TAB3: variants seen among roughly 807,000 people sequenced by gnomAD.
TAB3 encodes the protein TGF-beta-activated kinase 1 and MAP3K7-binding protein 3.
Under a neutral mutation model 48.1 loss-of-function variants are expected in TAB3, and 18 were observed. The observed-to-expected ratio is 0.37, with a 90% CI of 0.26 to 0.55. The LOEUF (loss-of-function observed/expected upper bound fraction) is 0.55. TAB3 is among the 20% of genes least tolerant of loss of function. The pLI, the probability that TAB3 is intolerant of heterozygous loss-of-function variation, is 0.78. For synonymous variants in TAB3, 185 were observed against 190.2 expected (o/e 0.97, Z 0.22); for missense variants, 414 against 549.8 (o/e 0.75, Z 2.47).
At chrX:30,856,730 G>A (rs893972103) in intron 5 of TAB3, among the ~76,000 whole-genome samples, 7 of 111,643 alleles carry the variant, frequency 6.3e-5, no homozygotes, top group Admixed American at 2.9e-4. Context: ...CCTAAAACAG[G>A]ACCCATAATG....
rs189691474 is a variant in TAB3 at position 30,872,730 on chromosome X, A to G, written c.-382-929T>C. 1.1e-3 allele frequency among the ~76,000 whole-genome samples: 124 copies of G among 112,146 alleles called. 1 individual carries two copies. The Middle Eastern group carries it at 0.019, about 17-fold the overall frequency. ...TAACTAATTCATGCACCAGTAATCA[A>G]TGGATGCTAACAGCATTAAGTAAAA... On this transcript the variant is annotated intron_variant, in intron 1 of 10. Coordinates refer to ENST00000288422, the MANE Select transcript of TAB3 (RefSeq NM_152787.5).
intron 7 of TAB3, among the ~76,000 whole-genome samples, chrX:30,848,205 C>T (rs1938696518): frequency 9.0e-6 from 1 of 111,455 alleles, no homozygotes; most frequent in African/African-American, 3.3e-5. Flanking sequence ...GAAGCAGCCA[C>T]CACACAGTTG....
intron 10 of TAB3, among the ~76,000 whole-genome samples, chrX:30,832,270 G>C (rs757373577): frequency 1.8e-5 from 2 of 111,650 alleles, no homozygotes; most frequent in Non-Finnish European, 3.8e-5. Context: ...CCTTATGTTG[G>C]TCCCCAGGAT....
At chrX:30,879,656 G>A (rs1939941329) in intron 1 of TAB3, among the ~76,000 whole-genome samples, 1 of 111,343 alleles carries the variant, frequency 9.0e-6, no homozygotes, top group Non-Finnish European at 1.9e-5. Context: ...ATGGAGAAAT[G>A]TTCAAAGTTT....
At chrX:30,831,662 C>G in intron 10 of TAB3, 87 bp from the exon 11 acceptor site, 2 of 1,020,298 alleles carry the variant, frequency 2.0e-6, no homozygotes, top group Non-Finnish European at 2.6e-6. Flanking sequence ...AGAAAAATAC[C>G]ACAAAAATCA....
chrX:30,867,711 T>C (rs993247209), intron 2 of TAB3, among the ~76,000 whole-genome samples, 162 bp from the exon 3 acceptor site: 3 of 111,572 alleles, frequency 2.7e-5, no homozygotes, highest in African/African-American at 6.5e-5. Context: ...CCTTACAAAC[T>C]GAATCTTCTT....
At chrX:30,844,135 A>C (rs1270576559) in intron 8 of TAB3, 1 of 110,925 alleles carries the variant, frequency 9.0e-6, no homozygotes, top group Admixed American at 9.7e-5. Context: ...CTAGCTTAAA[A>C]GTTTAGATTG....
chrX:30,845,359 G>A (rs1312878818), intron 8 of TAB3: 1 of 111,794 alleles, frequency 8.9e-6, no homozygotes, highest in African/African-American at 3.2e-5. Flanking sequence ...TAATTTTTAC[G>A]TGTCTGTTGG....
intron 9 of TAB3, 140 bp from the exon 10 acceptor site, chrX:30,834,292 G>C: frequency 2.0e-6 from 1 of 489,196 alleles, no homozygotes; most frequent in Non-Finnish European, 3.4e-6. Flanking sequence ...CCTTTAGCAA[G>C]GGCAGGCACC....
chrX:30,847,858 C>G (rs1480639260), intron 7 of TAB3, among the ~76,000 whole-genome samples: 2 of 111,488 alleles, frequency 1.8e-5, no homozygotes, highest in Non-Finnish European at 3.8e-5. Flanking sequence ...GGCAGAATAG[C>G]TACAATTCCA....
At chrX:30,840,967 C>T (rs747573424) in intron 9 of TAB3, among the ~76,000 whole-genome samples, 1 of 111,950 alleles carries the variant, frequency 8.9e-6, no homozygotes, top group South Asian at 3.7e-4. Flanking sequence ...CAGGCAAAAT[C>T]GAGTTTAAAG....
intron 5 of TAB3, among the ~76,000 whole-genome samples, chrX:30,857,262 C>T (rs149856446): frequency 4.4e-3 from 487 of 111,113 alleles, no homozygotes; most frequent in Middle Eastern, 0.014. Context: ...TTGAAGAAAA[C>T]CATTACAACT....
chrX:30,855,498 A>G lies in TAB3; in HGVS notation c.167T>C (p.Met56Thr), dbSNP rs1939033361. 2.5e-6 allele frequency: 3 copies of G among 1,208,810 alleles called. No homozygotes were observed. Among genetic ancestry groups the G allele is most frequent in the East Asian group, 5.9e-5 (2 of 33,853 alleles). Residue 56 changes from methionine to threonine, a missense_variant, in exon 6 of 11, where the codon ATG becomes ACG. By Grantham distance (81) the Met-to-Thr change is moderately conservative. Transcript: ENST00000288422. ...ATTGTCATCTGGACTATGGTATTCC[A>G]TATATAAGTATTTGCTACTCTCCTG... The part of the protein sequence containing the change: ...LSQESSKYLY[M>T]EYHSPDDNRM...
chrX:30,865,083 G>T (rs1467217226), intron 4 of TAB3, among the ~76,000 whole-genome samples: 1 of 111,680 alleles, frequency 9.0e-6, no homozygotes, highest in Non-Finnish European at 1.9e-5. Context: ...AGATACAATG[G>T]TAAGTATCAG....
rs1386899585 is a variant in TAB3 at position 30,867,189 on chromosome X, CAACT to C, written c.-169_-166del. The C allele has an allele frequency of 1.8e-5, 2 of 111,511 alleles. No individual in the cohort carries two copies. Among genetic ancestry groups the C allele is most frequent in the African/African-American group, 6.5e-5 (2 of 30,619 alleles). 9.2% of individuals were successfully genotyped at this position (111,511 alleles called of 1,213,427 possible). On this transcript the variant is annotated 5_prime_UTR_variant, in exon 4 of 11. Transcript: ENST00000288422. ...GAGGAGTCTAAGGAGACATAACAAC[CAACT>C]GTGATGGGGTTTCCTGGATGGAATC...
At chrX:30,834,362 CT>C (rs1166588866) in intron 9 of TAB3, among the ~76,000 whole-genome samples, 137 of 111,740 alleles carry the variant, frequency 1.2e-3, no homozygotes, top group Non-Finnish European at 2.3e-3. Context: ...TTTTTTCCAT[CT>C]TCTCCAGTTA....
In TAB3 at chrX:30,831,361, G is replaced by A. The variant is rs1938027946; in HGVS notation, c.*66C>T. ...AGGCTGGGTGGATGAATAGAGTCCC[G>A]AGGTTTCCTTTTCTTCTGGTAGTGC... On this transcript the variant is annotated 3_prime_UTR_variant, in exon 11 of 11. Coordinates refer to ENST00000288422, the MANE Select transcript of TAB3 (RefSeq NM_152787.5). 5.3e-6 allele frequency: 6 copies of A among 1,124,859 alleles called. No homozygotes were observed. Among genetic ancestry groups the A allele is most frequent in the South Asian group, 2.2e-5 (1 of 45,208 alleles). 92.7% of individuals were successfully genotyped at this position (1,124,859 alleles called of 1,213,427 possible). A position where few individuals can be genotyped will look rare whatever the true frequency, so the allele number is the denominator to read the frequency against.
chrX:30,868,232 T>TA (rs1184309208), intron 2 of TAB3, among the ~76,000 whole-genome samples: 1 of 95,552 alleles, frequency 1.0e-5, no homozygotes, highest in African/African-American at 3.8e-5. Context: ...AAAGTGTGTA[T>TA]AACTTTTTGA....
At chrX:30,878,129 T>C (rs1939888933) in intron 1 of TAB3, among the ~76,000 whole-genome samples, 1 of 112,068 alleles carries the variant, frequency 8.9e-6, no homozygotes, top group Admixed American at 9.4e-5. Flanking sequence ...TCAAATTATA[T>C]ATAAAGCAAA....
Sources: gnomAD v4.1 joint callset for allele counts (sites outside exome capture counted in the v4.1 genomes callset) on GRCh38, gnomAD v4.1.1 for gene constraint, MANE v1.5 for transcripts, NCBI Gene and HGNC (gene_info 2026-07-23, HGNC 2026-07-21) for gene names.